Variants in ROBO2 observed in about 807,000 individuals in gnomAD.
ROBO2 encodes roundabout homolog 2.
In ROBO2, 53 loss-of-function variants were observed where a neutral mutation model predicts 160.8. That is an observed-to-expected ratio of 0.33 (90% CI 0.26 to 0.41). The LOEUF (loss-of-function observed/expected upper bound fraction) is 0.41. ROBO2 is among the 10% of genes least tolerant of loss of function. The pLI is 1.00. For missense variants in ROBO2, 1,577 were observed against 1,722.4 expected (o/e 0.92, Z 1.49); for synonymous variants, 664 against 611.7 (o/e 1.09, Z -1.26).
intron 2 of ROBO2, among the ~76,000 whole-genome samples, chr3:76,573,704 G>A (rs2085100471): frequency 6.6e-6 from 1 of 151,778 alleles, no homozygotes; most frequent in Non-Finnish European, 1.5e-5. Context: ...TCTTTGATGA[G>A]GGCTCATCAT....
intron 2 of ROBO2, among the ~76,000 whole-genome samples, chr3:77,145,463 C>T (rs1398464926): frequency 1.3e-5 from 2 of 152,100 alleles, no homozygotes; most frequent in Admixed American, 1.3e-4. Context: ...TTTTATATGG[C>T]ATGAAGTTCT....
At chr3:76,693,444 A>ATG (rs998004940) in intron 2 of ROBO2, among the ~76,000 whole-genome samples, 2 of 128,152 alleles carry the variant, frequency 1.6e-5, no homozygotes, top group African/African-American at 7.8e-5. Context: ...CACTCTATAT[A>ATG]TGTGTATATA....
At chr3:77,391,585 A>G (rs902097769) in intron 2 of ROBO2, among the ~76,000 whole-genome samples, 1 of 152,112 alleles carries the variant, frequency 6.6e-6, no homozygotes, top group Non-Finnish European at 1.5e-5. Flanking sequence ...ACCTGCCCCC[A>G]TGATTCAATT....
intron 2 of ROBO2, among the ~76,000 whole-genome samples, chr3:76,278,235 A>G (rs1432897147): frequency 6.6e-6 from 1 of 152,032 alleles, no homozygotes; most frequent in Admixed American, 6.6e-5. Flanking sequence ...GCCTTGAGAT[A>G]TATCTAAAGA....
chr3:76,436,865 G>A (rs2076705815), intron 2 of ROBO2, among the ~76,000 whole-genome samples: 1 of 152,250 alleles, frequency 6.6e-6, no homozygotes, highest in South Asian at 2.1e-4. Flanking sequence ...CGTAAGTGGG[G>A]TGCTCTGGCT....
At chr3:77,223,615 A>G (rs2086112604) in intron 2 of ROBO2, among the ~76,000 whole-genome samples, 1 of 152,112 alleles carries the variant, frequency 6.6e-6, no homozygotes, top group Non-Finnish European at 1.5e-5. Flanking sequence ...TTTGGATATT[A>G]TACTTTCTAA....
intron 2 of ROBO2, among the ~76,000 whole-genome samples, chr3:75,962,769 C>T (rs643476): frequency 0.28 from 42,636 of 151,618 alleles, 6,997 homozygotes; most frequent in South Asian, 0.49. Context: ...ATAATTCTTT[C>T]GTGCTGTGTG....
intron 2 of ROBO2, among the ~76,000 whole-genome samples, chr3:77,151,633 A>T (rs1001662405): frequency 6.6e-6 from 1 of 152,194 alleles, no homozygotes; most frequent in Admixed American, 6.5e-5. Context: ...CTATATTCAC[A>T]TTATGGCTTA....
At chr3:76,941,505 C>T (rs1292631534) in intron 2 of ROBO2, among the ~76,000 whole-genome samples, 1 of 152,168 alleles carries the variant, frequency 6.6e-6, no homozygotes, top group African/African-American at 2.4e-5. Flanking sequence ...CCTCTCAAGG[C>T]TTCAGCTACA....
chr3:77,538,233 C>T (rs1385954367), intron 6 of ROBO2, among the ~76,000 whole-genome samples: 3 of 131,556 alleles, frequency 2.3e-5, no homozygotes, highest in Non-Finnish European at 4.6e-5. Flanking sequence ...GGCTGGAGTG[C>T]AGTGGTGCGA....
At chr3:76,838,978 A>G (rs979757250) in intron 2 of ROBO2, among the ~76,000 whole-genome samples, 1 of 152,128 alleles carries the variant, frequency 6.6e-6, no homozygotes, top group South Asian at 2.1e-4. Context: ...ACTGAACTGA[A>G]GTCATTTCTT....
Position 76,521,494 on chromosome 3 carries a change from G to A in ROBO2, c.110-576520G>A, listed in dbSNP as rs542146049. On this transcript the variant is annotated intron_variant, in intron 2 of 26. Coordinates refer to the ROBO2 transcript ENST00000487694. ...GGTAGGGCAGGAATAGGGGAAGCAAGTTTTGAAAACAGATTTATCTGGGTC... is the reference window on the plus strand; with the variant it reads ...GGTAGGGCAGGAATAGGGGAAGCAAATTTTGAAAACAGATTTATCTGGGTC... Among the ~76,000 whole-genome samples the A allele has an allele frequency of 2.0e-5, 3 of 152,200 alleles. No individual in the cohort carries two copies. The South Asian group carries it at 6.2e-4, about 32-fold the overall frequency.
At chr3:77,153,127 GCTT>G (rs908245347) in intron 2 of ROBO2, among the ~76,000 whole-genome samples, 1 of 152,062 alleles carries the variant, frequency 6.6e-6, no homozygotes, top group Non-Finnish European at 1.5e-5. Flanking sequence ...GTTTAAAAAT[GCTT>G]CTTCTTCCAG....
At chr3:77,319,975 T>G (rs1294605801) in intron 2 of ROBO2, among the ~76,000 whole-genome samples, 2 of 152,212 alleles carry the variant, frequency 1.3e-5, no homozygotes, top group Non-Finnish European at 2.9e-5. Flanking sequence ...TATGCCTGAT[T>G]GATTTTTGTT....
intron 2 of ROBO2, among the ~76,000 whole-genome samples, chr3:76,549,309 A>T (rs2083286047): frequency 6.6e-6 from 1 of 152,146 alleles, no homozygotes; most frequent in Non-Finnish European, 1.5e-5. Flanking sequence ...TTTTATCAGA[A>T]TCTCCATCAT....
intron 2 of ROBO2, among the ~76,000 whole-genome samples, chr3:77,224,636 T>C (rs1020246921): frequency 1.4e-4 from 21 of 152,002 alleles, no homozygotes; most frequent in Admixed American, 1.0e-3. Context: ...TCTTTGTTTG[T>C]TTGTTTGATT....
intron 6 of ROBO2, among the ~76,000 whole-genome samples, chr3:77,531,761 T>A (rs2153635282): frequency 6.6e-6 from 1 of 152,264 alleles, no homozygotes; most frequent in Admixed American, 6.5e-5. Flanking sequence ...CATGTTTGGA[T>A]GCACTTTTTG....
Position 76,767,909 on chromosome 3 carries a change from G to T in ROBO2, c.110-330105G>T, listed in dbSNP as rs13327015. ...GGACATTAACTTTTGATGAATGTGG[G>T]ATCTACTTTTTTGAAGTTTCATTGA... On this transcript the variant is annotated intron_variant, in intron 2 of 26. Transcript: ENST00000487694. 8.3e-3 allele frequency among the ~76,000 whole-genome samples: 1,252 copies of T among 151,480 alleles called. 13 individuals are homozygous for T. Among genetic ancestry groups the T allele is most frequent in the African/African-American group, 0.028 (1,177 of 41,428 alleles).
In ROBO2 at chr3:77,007,871, T is replaced by C. The variant is rs574709555; in HGVS notation, c.110-90143T>C. Among the ~76,000 whole-genome samples the C allele has an allele frequency of 2.4e-4, 37 of 152,198 alleles. 1 individual carries two copies. The South Asian group carries it at 7.7e-3, about 32-fold the overall frequency. ...TTAAAATCATTATCCAAATGGACTT[T>C]TTTTATGGTATAATGTTCATATTTA... is the stretch of plus-strand genomic sequence containing the variant. On this transcript the variant is annotated intron_variant, in intron 2 of 26. Transcript: ENST00000487694.
Sources: gnomAD v4.1 joint callset for allele counts (sites outside exome capture counted in the v4.1 genomes callset) on GRCh38, gnomAD v4.1.1 for gene constraint, MANE v1.5 for transcripts, NCBI Gene and HGNC (gene_info 2026-07-23, HGNC 2026-07-21) for gene names.